Variants in SIGLEC14 observed in about 807,000 individuals in gnomAD.
SIGLEC14 encodes sialic acid-binding Ig-like lectin 14.
In SIGLEC14, 11 loss-of-function variants were observed where a neutral mutation model predicts 34.2. That is an observed-to-expected ratio of 0.32 (90% CI 0.20 to 0.53). The LOEUF (loss-of-function observed/expected upper bound fraction) is 0.53, where lower values mean the gene tolerates loss of function less well. SIGLEC14 is among the 20% of genes least tolerant of loss of function. The pLI is 0.95. For synonymous variants in SIGLEC14, 99 were observed against 179.7 expected (o/e 0.55, Z 3.59); for missense variants, 264 against 439.0 (o/e 0.60, Z 3.56).
At position 51,643,021 on chromosome 19, in the gene SIGLEC14, C is replaced by T. The variant is rs1419661815; in HGVS notation, c.*334G>A. ...CCTGTGCAACAGAGTGAGACTCTGT[C>T]TCAAAAAAAAAAAAAAAAAAAAAAG... On this transcript the variant is annotated 3_prime_UTR_variant, in exon 7 of 7. Coordinates refer to ENST00000360844, the MANE Select transcript of SIGLEC14 (RefSeq NM_001098612.3). The T allele has an allele frequency of 9.4e-6, 1 of 106,832 alleles. No individual in the cohort carries two copies. 6.6% of individuals were successfully genotyped at this position (106,832 alleles called of 1,614,324 possible). A position where few individuals can be genotyped will look rare whatever the true frequency, so the allele number is the denominator to read the frequency against.
In SIGLEC14 at chr19:51,646,605, C is replaced by T; in HGVS notation, c.73G>A (p.Val25Met). 1 of 525,154 alleles carries T rather than the reference C, an allele frequency of 1.9e-6. No individual in the cohort carries two copies. 32.5% of individuals were successfully genotyped at this position (525,154 alleles called of 1,614,324 possible). The change falls in exon 2 of 7, where the codon GTG becomes ATG. Residue 25 changes from valine to methionine, a missense_variant. Around this residue, in one of 5 missense-constraint regions of SIGLEC14, gnomAD observed 30 missense variants for 29.7 expected, o/e 1.01. Coordinates refer to ENST00000360844, the MANE Select transcript of SIGLEC14 (RefSeq NM_001098612.3). ...LQEKPVYELQ[V>M]QKSVTVQEGL... ...TCCTGCACCGTCACCGACTTCTGCA[C>T]TTGCAGCTCGTACACTGGCTTCTCC...
chr19:51,646,319 A>G lies in SIGLEC14; in HGVS notation c.359T>C (p.Val120Ala). ...ATATTTTACATCCCTTCCTCTCTCC[A>G]CGCGGAAGAAATAGCTTCCCGTGTC... ...MEDTGSYFFR[V>A]ERGRDVKYSY... Residue 120 changes from valine (V) to alanine (A), a missense_variant, in exon 2 of 7, where the codon GTG becomes GCG. Transcript: ENST00000360844. The G allele has an allele frequency of 7.7e-7, 1 of 1,301,998 alleles. No homozygotes were observed. Among genetic ancestry groups the G allele is most frequent in the Non-Finnish European group, 1.0e-6 (1 of 982,684 alleles). 80.7% of individuals were successfully genotyped at this position (1,301,998 alleles called of 1,614,324 possible).
In SIGLEC14 at chr19:51,641,686, CAAG is replaced by C. The variant is rs1260771946; in HGVS notation, c.*1666_*1668del. ...GACCATTATCCTCAGCAAACTATCA[CAAG>C]AAGAGAAAACCAAATACCACATGTT... On this transcript the variant is annotated 3_prime_UTR_variant, in exon 7 of 7. Coordinates refer to ENST00000360844, the MANE Select transcript of SIGLEC14 (RefSeq NM_001098612.3). Among the ~76,000 whole-genome samples the C allele has an allele frequency of 1.4e-5, 2 of 139,230 alleles. 1 individual carries two copies. Among genetic ancestry groups the C allele is most frequent in the Non-Finnish European group, 3.1e-5 (2 of 65,050 alleles). 91.3% of individuals were successfully genotyped at this position (139,230 alleles called of 152,430 possible). A position where few individuals can be genotyped will look rare whatever the true frequency, so the allele number is the denominator to read the frequency against.
rs746700732 is a variant in SIGLEC14 at position 51,643,383 on chromosome 19, T to TC, written c.1162_1163insG (p.Gln388ArgfsTer6). The TC allele has an allele frequency of 3.3e-6, 5 of 1,506,504 alleles. 1 individual carries two copies. Among genetic ancestry groups the TC allele is most frequent in the Non-Finnish European group, 4.4e-6 (5 of 1,128,760 alleles). The allele number at this position is 1,506,504 out of a possible 1,614,324, so 93.3% of individuals were successfully genotyped here. A position where few individuals can be genotyped will look rare whatever the true frequency, so the allele number is the denominator to read the frequency against. ...GCCAGGCCTCTCAGCCCTGCTCTGC[T>TC]GGGGGCCTCCACACCTGCAGAGCCA... On this transcript the variant is annotated frameshift_variant, in exon 7 of 7. Coordinates refer to ENST00000360844, the MANE Select transcript of SIGLEC14 (RefSeq NM_001098612.3). LOFTEE classifies it low-confidence loss of function (END_TRUNC).
chr19:51,645,008 GAA>G (rs1380566713), intron 4 of SIGLEC14, among the ~76,000 whole-genome samples: 1 of 136,834 alleles, frequency 7.3e-6, no homozygotes, highest in Non-Finnish European at 1.5e-5. Context: ...AGAAATTCAA[GAA>G]AAGGGAACAG....
At chr19:51,643,485 TCA>T in intron 6 of SIGLEC14, 50 bp downstream of exon 6, 2 of 1,208,674 alleles carry the variant, frequency 1.7e-6, no homozygotes, top group East Asian at 6.3e-5. Flanking sequence ...GCAGGACAGC[TCA>T]GCCCCACCTG....
chr19:51,644,751 G>C (rs1983996040), intron 4 of SIGLEC14, among the ~76,000 whole-genome samples: 1 of 138,460 alleles, frequency 7.2e-6, no homozygotes, highest in African/African-American at 2.8e-5. Flanking sequence ...AACAGGGAAG[G>C]AGGAGCCGAG....
chr19:51,643,804 G>C lies in SIGLEC14; in HGVS notation c.987C>G (p.His329Gln). The C allele has an allele frequency of 3.9e-6, 6 of 1,524,508 alleles. 3 individuals are homozygous for C. In the African/African-American group the frequency reaches 5.9e-5, roughly 15 times the overall value. The allele number at this position is 1,524,508 out of a possible 1,614,324, so 94.4% of individuals were successfully genotyped here. A position where few individuals can be genotyped will look rare whatever the true frequency, so the allele number is the denominator to read the frequency against. Residue 329 changes from histidine (H) to glutamine (Q), a missense_variant, in exon 5 of 7, where the codon CAC (histidine) becomes CAG (glutamine). His to Gln is a conservative substitution (Grantham distance 24). This residue lies in a region of SIGLEC14 where 149 missense variants were observed against 184.4 expected (regional missense o/e 0.81). Coordinates refer to ENST00000360844, the MANE Select transcript of SIGLEC14 (RefSeq NM_001098612.3). ...CRVQHPLGSQ[H>Q]LSFILSVQRS... ...TCTGCACAGAAAGGATGAAGGACAGGTGCTGGGAGCCCAGCGGATGCTGAA... is the reference window on the plus strand; with the variant it reads ...TCTGCACAGAAAGGATGAAGGACAGCTGCTGGGAGCCCAGCGGATGCTGAA...
chr19:51,643,529 C>A lies in SIGLEC14; in HGVS notation c.1148+8G>T. Reference sequence around the variant, plus strand: ...AGGAGCTTCCTGGAGACAGGCAGTCCGGCTCACCTGGTATAGTAGATCCAG... The same window carrying A: ...AGGAGCTTCCTGGAGACAGGCAGTCAGGCTCACCTGGTATAGTAGATCCAG... On this transcript the variant is annotated splice_region_variant and intron_variant, in intron 6 of 6. Coordinates refer to ENST00000360844, the MANE Select transcript of SIGLEC14 (RefSeq NM_001098612.3). The A allele has an allele frequency of 6.8e-7, 1 of 1,471,466 alleles. No individual in the cohort carries two copies. The highest frequency in any genetic ancestry group is 1.6e-5 in the African/African-American group (1 of 64,016). The allele number at this position is 1,471,466 out of a possible 1,614,324, so 91.2% of individuals were successfully genotyped here. A position where few individuals can be genotyped will look rare whatever the true frequency, so the allele number is the denominator to read the frequency against.
In SIGLEC14 at chr19:51,641,236, A is replaced by G. The variant is rs1983898750; in HGVS notation, c.*2119T>C. ...CTAATTGCCATTTAATATTCGTCCC[A>G]TAACAGGGCAATACACATTCTTTCT... On this transcript the variant is annotated 3_prime_UTR_variant, in exon 7 of 7. Transcript: ENST00000360844. 7.2e-6 allele frequency among the ~76,000 whole-genome samples: 1 copy of G among 139,060 alleles called. No homozygotes were observed. The highest frequency in any genetic ancestry group is 2.7e-5 in the African/African-American group (1 of 36,648). 91.2% of individuals were successfully genotyped at this position (139,060 alleles called of 152,430 possible). A position where few individuals can be genotyped will look rare whatever the true frequency, so the allele number is the denominator to read the frequency against.
At chr19:51,643,483 G>GGGCCCCCCC in intron 6 of SIGLEC14, 54 bp downstream of exon 6, 1 of 1,297,886 alleles carries the variant, frequency 7.7e-7, no homozygotes, top group Non-Finnish European at 1.0e-6. Context: ...GGGCAGGACA[G>GGGCCCCCCC]CTCAGCCCCA....
In SIGLEC14 at chr19:51,646,145, C is replaced by T. The variant is rs1022454730; in HGVS notation, c.422-85G>A. On this transcript the variant is annotated intron_variant, in intron 2 of 6. Transcript: ENST00000360844. ...CCGAGAGTGGCCAGGCCTCAGGCCC[C>T]GACCTGCCCCAAGTCCTACACCTCC... 27 of 810,850 alleles carry T rather than the reference C, an allele frequency of 3.3e-5. 5 individuals are homozygous for T. The African/African-American group carries it at 3.8e-4, about 12-fold the overall frequency. 50.2% of individuals were successfully genotyped at this position (810,850 alleles called of 1,614,324 possible).
chr19:51,645,669 G>T, intron 3 of SIGLEC14, 113 bp downstream of exon 3: 1 of 1,445,086 alleles, frequency 6.9e-7, no homozygotes, highest in Admixed American at 1.9e-5. Context: ...AGTTTTCCCT[G>T]GTTATCATTC....
Position 51,646,098 on chromosome 19 carries a change from C to A in SIGLEC14, c.422-38G>T, listed in dbSNP as rs776619656. 1.4e-5 allele frequency: 12 copies of A among 887,300 alleles called. 2 individuals carry two copies. The highest frequency in any genetic ancestry group is 1.9e-5 in the Non-Finnish European group (12 of 632,750). The allele number at this position is 887,300 out of a possible 1,614,324, so 55.0% of individuals were successfully genotyped here. A position where few individuals can be genotyped will look rare whatever the true frequency, so the allele number is the denominator to read the frequency against. ...CAGGGAGATACCTGGGCCCCAGGGG[C>A]TTGAGGACGTAAGGTGTGACCCCGA... On this transcript the variant is annotated intron_variant, in intron 2 of 6. Transcript: ENST00000360844.
chr19:51,643,483 G>GGGGACCCCCCCCCCC, intron 6 of SIGLEC14, 54 bp downstream of exon 6: 1 of 1,297,888 alleles, frequency 7.7e-7, no homozygotes, highest in Non-Finnish European at 1.0e-6. Context: ...GGGCAGGACA[G>GGGGACCCCCCCCCCC]CTCAGCCCCA....
Position 51,643,673 on chromosome 19 carries a change from C to T in SIGLEC14, c.1013-1G>A. On this transcript the variant is annotated splice_acceptor_variant, in intron 5 of 6. Coordinates refer to ENST00000360844, the MANE Select transcript of SIGLEC14 (RefSeq NM_001098612.3). LOFTEE classifies it high-confidence loss of function. ...ACACATATGCAGGAAGAGGAGCTTC[C>T]TGGGAGAAAGGAGAAGGTAAGGTGC... 6.5e-7 allele frequency: 1 copy of T among 1,531,746 alleles called. No homozygotes were observed. The highest frequency in any genetic ancestry group is 1.5e-5 in the African/African-American group (1 of 66,974). 94.9% of individuals were successfully genotyped at this position (1,531,746 alleles called of 1,614,324 possible). A position where few individuals can be genotyped will look rare whatever the true frequency, so the allele number is the denominator to read the frequency against.
chr19:51,643,912 G>A lies in SIGLEC14; in HGVS notation c.879C>T (p.Leu293=). 6 of 1,534,296 alleles carry A rather than the reference G, an allele frequency of 3.9e-6. No homozygotes were observed. The highest frequency in any genetic ancestry group is 2.4e-5 in the South Asian group (2 of 83,298). Reference sequence around the variant, plus strand: ...CAGACATTGAGGTCTGGGAAGGATTGAGGGCTTTTCCCTCCCGGAACCAGC... The same window carrying A: ...CAGACATTGAGGTCTGGGAAGGATTAAGGGCTTTTCCCTCCCGGAACCAGC... ...SLSWFREGKA[L]NPSQTSMSGT... Residue 293 remains leucine, a synonymous_variant, in exon 5 of 7, where the codon CTC becomes CTT. Coordinates refer to ENST00000360844, the MANE Select transcript of SIGLEC14 (RefSeq NM_001098612.3).
Position 51,639,844 on chromosome 19 carries a change from G to A in SIGLEC14, c.*3511C>T, listed in dbSNP as rs1284427249. The A allele has an allele frequency of 1.4e-5, 2 of 138,934 alleles. 1 individual carries two copies. The highest frequency in any genetic ancestry group is 3.1e-5 in the Non-Finnish European group (2 of 64,980). The allele number at this position is 138,934 out of a possible 1,614,324, so 8.6% of individuals were successfully genotyped here. On this transcript the variant is annotated 3_prime_UTR_variant, in exon 7 of 7. Coordinates refer to ENST00000360844, the MANE Select transcript of SIGLEC14 (RefSeq NM_001098612.3). ...AGCATATAGAAAAAAAGCAAATATT[G>A]CACTCTCTTTGCTACATGCACTTAG...
rs190994485 is a variant in SIGLEC14, at chr19:51,641,856, T to C, written c.*1499A>G. Among the ~76,000 whole-genome samples, 3 of 138,954 alleles carry C rather than the reference T, an allele frequency of 2.2e-5. 1 individual carries two copies. The highest frequency in any genetic ancestry group is 8.2e-5 in the African/African-American group (3 of 36,568). The allele number at this position is 138,954 out of a possible 152,430, so 91.2% of individuals were successfully genotyped here. A position where few individuals can be genotyped will look rare whatever the true frequency, so the allele number is the denominator to read the frequency against. ...ACTAATGGGTACTAGGCTTAATATC[T>C]GGGTGATGCAATAATCTGTACAACA... is the stretch of plus-strand genomic sequence containing the variant. On this transcript the variant is annotated 3_prime_UTR_variant, in exon 7 of 7. Coordinates refer to ENST00000360844, the MANE Select transcript of SIGLEC14 (RefSeq NM_001098612.3).
Sources: gnomAD v4.1 joint callset for allele counts (sites outside exome capture counted in the v4.1 genomes callset) on GRCh38, gnomAD v4.1.1 for gene constraint, gnomAD v4.1.1 regional missense constraint, MANE v1.5 for transcripts, NCBI Gene and HGNC (gene_info 2026-07-23, HGNC 2026-07-21) for gene names.